ACTN1: variants seen among roughly 807,000 people sequenced by gnomAD.
ACTN1 encodes the protein alpha-actinin-1.
Under a neutral mutation model 119.6 loss-of-function variants are expected in ACTN1, and 30 were observed. The ratio of observed to expected loss-of-function variants is 0.25; its 90% CI spans 0.19 to 0.34. The LOEUF (loss-of-function observed/expected upper bound fraction) is 0.34. ACTN1 is among the 10% of genes least tolerant of loss of function. ACTN1 has a pLI of 1.00. For synonymous variants in ACTN1, 429 were observed against 472.6 expected, an observed-to-expected ratio of 0.91 and a Z score of 1.20; for missense variants, 764 against 1,223.4, an observed-to-expected ratio of 0.62 and a Z score of 5.60.
At position 68,879,764 on chromosome 14, in the gene ACTN1, G is replaced by A; in HGVS notation, c.2280+198C>T. 1.5e-6 allele frequency: 1 copy of A among 646,604 alleles called. No individual in the cohort carries two copies. Among genetic ancestry groups the A allele is most frequent in the Non-Finnish European group, 2.6e-6 (1 of 389,932 alleles). 40.1% of individuals were successfully genotyped at this position (646,604 alleles called of 1,614,324 possible). On this transcript the variant is annotated intron_variant, in intron 18 of 21. Coordinates refer to ENST00000394419, the MANE Select transcript of ACTN1 (RefSeq NM_001130004.2). The surrounding 1 kb of genome is among the most constrained non-coding windows in gnomAD (Gnocchi z 4.9). ...TCTGAACACTCTCTCCCGGAAAGCA[G>A]GGAAGCTTATGGGGCACCAACACAG...
chr14:68,903,425 T>C (rs975842459), intron 7 of ACTN1, among the ~76,000 whole-genome samples: 1 of 151,772 alleles, frequency 6.6e-6, no homozygotes, highest in Non-Finnish European at 1.5e-5. Flanking sequence ...TAATCCCAGC[T>C]ACTTGGGAGG....
intron 3 of ACTN1, 60 bp from the exon 4 acceptor site, chr14:68,912,302 C>G: frequency 7.5e-7 from 1 of 1,330,206 alleles, no homozygotes; most frequent in Non-Finnish European, 1.1e-6. Context: ...AATTAACACT[C>G]CCTCAGCACC....
chr14:68,964,415 G>A (rs898611855), intron 1 of ACTN1, among the ~76,000 whole-genome samples: 8 of 152,180 alleles, frequency 5.3e-5, no homozygotes, highest in Non-Finnish European at 7.3e-5. Flanking sequence ...AGGAATGTAC[G>A]GGTCAGGAGA....
At chr14:68,884,707 C>T in intron 13 of ACTN1, 68 bp downstream of exon 13, 1 of 1,339,502 alleles carries the variant, frequency 7.5e-7, no homozygotes, top group South Asian at 1.2e-5. Context: ...CAAAGAGAGT[C>T]AAGAAGCAGG....
chr14:68,884,270 G>A lies in ACTN1; in HGVS notation c.1533C>T (p.Tyr511=), dbSNP rs775900219. The A allele has an allele frequency of 1.9e-6, 3 of 1,614,054 alleles. No homozygotes were observed. In the South Asian group the frequency reaches 3.3e-5, roughly 18 times the overall value. ...GTGCAGCCCGCTTGGCATACTCCAA[G>A]TACAGCTGGTCAATGGTCTCCAGCA... is the stretch of plus-strand genomic sequence containing the variant. ...EKLLETIDQL[Y]LEYAKRAAPF... Residue 511 remains tyrosine, a synonymous_variant, in exon 14 of 22, where the codon TAC becomes TAT. Coordinates refer to ENST00000394419, the MANE Select transcript of ACTN1 (RefSeq NM_001130004.2).
intron 1 of ACTN1, among the ~76,000 whole-genome samples, chr14:68,961,908 C>T (rs377154946): frequency 2.0e-5 from 3 of 152,196 alleles, no homozygotes; most frequent in African/African-American, 7.2e-5. Flanking sequence ...CCACGCCCGA[C>T]CGACAGGCAT....
intron 2 of ACTN1, among the ~76,000 whole-genome samples, chr14:68,921,515 AAT>A (rs774976077): frequency 1.3e-5 from 2 of 152,156 alleles, no homozygotes; most frequent in African/African-American, 2.4e-5. Context: ...AACACAAATA[AAT>A]ATATACAATG....
chr14:68,958,098 G>C (rs1445119718), intron 1 of ACTN1, among the ~76,000 whole-genome samples: 1 of 152,322 alleles, frequency 6.6e-6, no homozygotes, highest in African/African-American at 2.4e-5. Context: ...GGTGGTAGCT[G>C]TTGAGGAATC....
At chr14:68,905,488 T>A (rs1182678462) in intron 6 of ACTN1, among the ~76,000 whole-genome samples, 1 of 152,148 alleles carries the variant, frequency 6.6e-6, no homozygotes, top group Non-Finnish European at 1.5e-5. Flanking sequence ...CTCAAAGAGA[T>A]CTTTATACCT....
At chr14:68,977,193 C>G (rs2037089407) in intron 1 of ACTN1, among the ~76,000 whole-genome samples, 1 of 152,182 alleles carries the variant, frequency 6.6e-6, no homozygotes. Context: ...AATCTCACTT[C>G]TAATTTAAAA....
At chr14:68,921,183 G>GCTA in intron 2 of ACTN1, 58 bp from the exon 3 acceptor site, 1 of 1,598,912 alleles carries the variant, frequency 6.3e-7, no homozygotes, top group Non-Finnish European at 8.5e-7. Context: ...AGGGGCCAGA[G>GCTA]CTACTACCAC....
At chr14:68,888,444 C>T (rs942062636) in intron 11 of ACTN1, among the ~76,000 whole-genome samples, 1 of 152,110 alleles carries the variant, frequency 6.6e-6, no homozygotes, top group Non-Finnish European at 1.5e-5. Context: ...CTGCCCGTCA[C>T]GTCTGGATAA....
intron 1 of ACTN1, among the ~76,000 whole-genome samples, chr14:68,943,736 C>A (rs546143544): frequency 1.3e-5 from 2 of 151,570 alleles, no homozygotes; most frequent in African/African-American, 4.8e-5. Flanking sequence ...ACGAGGCATG[C>A]GCCATCTCAG....
chr14:68,876,074 G>A (rs557664430), intron 21 of ACTN1, among the ~76,000 whole-genome samples: 1 of 152,226 alleles, frequency 6.6e-6, no homozygotes, highest in Admixed American at 6.5e-5. Context: ...TTGGCTCACT[G>A]CAACCTCCAC....
chr14:68,955,787 G>A (rs1229113555), intron 1 of ACTN1, among the ~76,000 whole-genome samples: 1 of 152,226 alleles, frequency 6.6e-6, no homozygotes, highest in African/African-American at 2.4e-5. Flanking sequence ...CTTGCAGAGA[G>A]CCAACCAGAC....
At chr14:68,957,962 A>G (rs539188544) in intron 1 of ACTN1, among the ~76,000 whole-genome samples, 62 of 152,300 alleles carry the variant, frequency 4.1e-4, no homozygotes, top group African/African-American at 1.4e-3. Flanking sequence ...CCTCAGAGCC[A>G]GACAGGAACT....
rs567175030 is a variant in ACTN1, at chr14:68,946,604, G to A, written c.106-20932C>T. ...CTGGGTCCATGCTGCCTAAGACCGCGCCTACGCTCTGACACCTGTGGATTC... is the reference window on the plus strand; with the variant it reads ...CTGGGTCCATGCTGCCTAAGACCGCACCTACGCTCTGACACCTGTGGATTC... On this transcript the variant is annotated intron_variant, in intron 1 of 21. Coordinates refer to ENST00000394419, the MANE Select transcript of ACTN1 (RefSeq NM_001130004.2). Among the ~76,000 whole-genome samples, 7 of 152,232 alleles carry A rather than the reference G, an allele frequency of 4.6e-5. No homozygotes were observed. The East Asian group carries it at 1.4e-3, about 29-fold the overall frequency.
At position 68,890,276 on chromosome 14, in the gene ACTN1, T is replaced by C; in HGVS notation, c.1097A>G (p.Asn366Ser). The change falls in exon 11 of 22, where the codon AAT becomes AGT. Residue 366 changes from asparagine to serine, a missense_variant. Asn to Ser is a conservative substitution (Grantham distance 46, BLOSUM62 1). This residue lies in a region of ACTN1 where 544 missense variants were observed against 912.0 expected (regional missense o/e 0.60). Coordinates refer to ENST00000394419, the MANE Select transcript of ACTN1 (RefSeq NM_001130004.2). ...SEGRMVSDIN[N>S]AWGCLEQVEK... ...CACCTGCTCCAGGCAGCCCCAGGCATTGTTGATGTCCTGTGGGGATGGGAG... is the reference window on the plus strand; with the variant it reads ...CACCTGCTCCAGGCAGCCCCAGGCACTGTTGATGTCCTGTGGGGATGGGAG... 2 of 1,614,040 alleles carry C rather than the reference T, an allele frequency of 1.2e-6. No individual in the cohort carries two copies. Among genetic ancestry groups the C allele is most frequent in the Non-Finnish European group, 1.7e-6 (2 of 1,179,948 alleles).
Position 68,944,894 on chromosome 14 carries a change from G to A in ACTN1, c.106-19222C>T, listed in dbSNP as rs540748438. 2.2e-4 allele frequency among the ~76,000 whole-genome samples: 33 copies of A among 147,408 alleles called. 1 individual carries two copies. In the South Asian group the frequency reaches 5.7e-3, roughly 25 times the overall value. ...CGGGTAGCTGTAGGTCACCCTATGC[G>A]TGTGTGGGTCAGGTAGCTGTAGGTC... On this transcript the variant is annotated intron_variant, in intron 1 of 21. Transcript: ENST00000394419.
Sources: allele counts gnomAD v4.1 joint callset (sites outside exome capture counted in the v4.1 genomes callset), GRCh38; gene constraint gnomAD v4.1.1; regional missense constraint gnomAD v4.1.1; non-coding constraint Gnocchi (gnomAD v3.1); transcripts MANE v1.5; gene names NCBI Gene and HGNC (gene_info 2026-07-23, HGNC 2026-07-21).